The following APOO variants were observed in gnomAD, a reference collection of about 807,000 sequenced individuals.
APOO encodes the protein apolipoprotein O.
Under a neutral mutation model 23.1 loss-of-function variants are expected in APOO, and 11 were observed. That is an observed-to-expected ratio of 0.48 (90% CI 0.30 to 0.79). The LOEUF is 0.79. APOO is among the 30% of genes least tolerant of loss of function. The pLI is 0.07. For missense variants in APOO, 160 were observed against 142.7 expected, an observed-to-expected ratio of 1.12 and a Z score of -0.62; for synonymous variants, 59 against 54.8, an observed-to-expected ratio of 1.08 and a Z score of -0.34.
At chrX:23,836,703 T>C in intron 8 of APOO, 1 of 440,854 alleles carries the variant, frequency 2.3e-6, no homozygotes, top group Non-Finnish European at 3.9e-6. Flanking sequence ...TTAAGTGTCA[T>C]CTGGCATCTT....
intron 7 of APOO, among the ~76,000 whole-genome samples, chrX:23,852,297 T>G (rs960424694): frequency 2.7e-5 from 3 of 110,250 alleles, no homozygotes; most frequent in African/African-American, 9.9e-5. Flanking sequence ...ATCTGTTACA[T>G]GATTAGAATA....
Position 23,841,706 on chromosome X carries a change from C to G in APOO, c.562-1329G>C, listed in dbSNP as rs766062685. On this transcript the variant is annotated intron_variant, in intron 7 of 8. Coordinates refer to ENST00000379226, the MANE Select transcript of APOO (RefSeq NM_024122.5). ...CTCCTCCTCCAGAGCCACTCCCCAC[C>G]CTGCCTCCTCACATGCATGCACACA... is the stretch of plus-strand genomic sequence containing the variant. Among the ~76,000 whole-genome samples the G allele has an allele frequency of 2.7e-5, 3 of 109,099 alleles. No homozygotes were observed. The East Asian group carries it at 8.7e-4, about 32-fold the overall frequency. The allele number at this position is 109,099 out of a possible 115,157, so 94.7% of individuals were successfully genotyped here.
intron 7 of APOO, among the ~76,000 whole-genome samples, chrX:23,853,913 G>A (rs946341760): frequency 9.0e-6 from 1 of 111,188 alleles, no homozygotes; most frequent in African/African-American, 3.3e-5. Context: ...GGGATTTCAG[G>A]CATGAGCCAC....
intron 7 of APOO, among the ~76,000 whole-genome samples, chrX:23,849,184 C>A (rs1031732014): frequency 3.7e-5 from 4 of 109,269 alleles, no homozygotes; most frequent in African/African-American, 1.3e-4. Flanking sequence ...GTGATCTACC[C>A]TCCTCGGCCT....
chrX:23,858,524 T>TACAA, intron 6 of APOO, 118 bp downstream of exon 6: 1 of 648,788 alleles, frequency 1.5e-6, no homozygotes, highest in Non-Finnish European at 2.3e-6. Context: ...CATCTATATG[T>TACAA]ACAAACAAAT....
intron 7 of APOO, among the ~76,000 whole-genome samples, chrX:23,845,130 G>A (rs1924172828): frequency 8.9e-6 from 1 of 111,821 alleles, no homozygotes; most frequent in Non-Finnish European, 1.9e-5. Context: ...CCTGCCCACT[G>A]ATACCAAGAG....
Position 23,878,816 on chromosome X carries a change from C to T in APOO, c.237+99G>A. 2.8e-6 allele frequency: 3 copies of T among 1,075,824 alleles called. No homozygotes were observed. The South Asian group carries it at 6.9e-5, about 25-fold the overall frequency. 88.7% of individuals were successfully genotyped at this position (1,075,824 alleles called of 1,213,427 possible). A position where few individuals can be genotyped will look rare whatever the true frequency, so the allele number is the denominator to read the frequency against. On this transcript the variant is annotated intron_variant, in intron 3 of 8. Coordinates refer to ENST00000379226, the MANE Select transcript of APOO (RefSeq NM_024122.5). ...AGCCTCTGTCAACCATCTCAGGGCC[C>T]TTTATCATGCCTTTTTCCAAAAACA...
At chrX:23,887,349 T>C (rs1926418524) in intron 1 of APOO, among the ~76,000 whole-genome samples, 1 of 99,948 alleles carries the variant, frequency 1.0e-5, no homozygotes, top group Admixed American at 1.2e-4. Context: ...TTCTCCTGCC[T>C]CAGCCTCCCA....
intron 8 of APOO, among the ~76,000 whole-genome samples, chrX:23,838,687 G>A (rs772587742): frequency 9.1e-6 from 1 of 110,440 alleles, no homozygotes; most frequent in African/African-American, 3.3e-5. Context: ...CAAAGTGCTG[G>A]GATTACAGGC....
At chrX:23,848,586 T>C (rs1434377971) in intron 7 of APOO, among the ~76,000 whole-genome samples, 1 of 111,968 alleles carries the variant, frequency 8.9e-6, no homozygotes. Flanking sequence ...ATATAAACTA[T>C]AACTGGGTAA....
intron 6 of APOO, 133 bp from the exon 7 acceptor site, chrX:23,856,515 GC>G (rs752431833): frequency 2.3e-6 from 1 of 433,219 alleles, no homozygotes; most frequent in Admixed American, 4.8e-5. Context: ...ATGCATAATA[GC>G]AAAACATGGA....
At chrX:23,876,285 T>A (rs1023820962) in intron 3 of APOO, among the ~76,000 whole-genome samples, 11 of 105,666 alleles carry the variant, frequency 1.0e-4, no homozygotes, top group South Asian at 4.2e-4. Flanking sequence ...AAAATAAAAA[T>A]AAAAATAAAA....
chrX:23,871,024 G>T (rs1178503787), intron 4 of APOO, among the ~76,000 whole-genome samples: 1 of 108,619 alleles, frequency 9.2e-6, no homozygotes, highest in African/African-American at 3.3e-5. Flanking sequence ...GGGAGGCAGA[G>T]GTTGCAGTGA....
At position 23,878,776 on chromosome X, in the gene APOO, C is replaced by T. The variant is rs373168716; in HGVS notation, c.237+139G>A. The T allele has an allele frequency of 1.5e-5, 12 of 793,735 alleles. No individual in the cohort carries two copies. In the African/African-American group the frequency reaches 2.3e-4, roughly 15 times the overall value. The allele number at this position is 793,735 out of a possible 1,213,427, so 65.4% of individuals were successfully genotyped here. The stretch of plus-strand genomic sequence containing the variant: ...GCCATCCCCACCTTTCCCCCAGACC[C>T]CCACTACCCTTCCCAGCCTCTGTCA... On this transcript the variant is annotated intron_variant, in intron 3 of 8. Coordinates refer to ENST00000379226, the MANE Select transcript of APOO (RefSeq NM_024122.5).
At chrX:23,854,764 C>T (rs111589587) in intron 7 of APOO, among the ~76,000 whole-genome samples, 13 of 110,580 alleles carry the variant, frequency 1.2e-4, no homozygotes, top group African/African-American at 4.3e-4. Flanking sequence ...CTCAGGTGCT[C>T]CACCCGCCTC....
Position 23,907,881 on chromosome X carries a change from TAGA to T in APOO, c.-182_-180del. ...AAGGTTTAGTTCAATCACCCGGTTC[TAGA>T]AGCCGCGTCGCTGAGCCGCAGCGCG... On this transcript the variant is annotated 5_prime_UTR_variant, in exon 1 of 9. Coordinates refer to ENST00000379226, the MANE Select transcript of APOO (RefSeq NM_024122.5). The T allele has an allele frequency of 2.1e-6, 1 of 485,755 alleles. No individual in the cohort carries two copies. 40.0% of individuals were successfully genotyped at this position (485,755 alleles called of 1,213,427 possible). A position where few individuals can be genotyped will look rare whatever the true frequency, so the allele number is the denominator to read the frequency against.
At chrX:23,905,514 C>T (rs548051591) in intron 1 of APOO, among the ~76,000 whole-genome samples, 310 of 111,273 alleles carry the variant, frequency 2.8e-3, no homozygotes, top group Non-Finnish European at 5.1e-3. Context: ...ATGTTCCCCA[C>T]CCCTTTTACC....
At chrX:23,843,443 C>T (rs187201375) in intron 7 of APOO, among the ~76,000 whole-genome samples, 185 of 103,382 alleles carry the variant, frequency 1.8e-3, no homozygotes, top group African/African-American at 7.2e-3. Flanking sequence ...CGTGATTTAG[C>T]ACAAGCCAGA....
chrX:23,876,273 A>AAAACAT (rs1174767028), intron 3 of APOO, among the ~76,000 whole-genome samples: 3 of 103,882 alleles, frequency 2.9e-5, no homozygotes, highest in Non-Finnish European at 5.9e-5. Flanking sequence ...AAAAAAATAA[A>AAAACAT]AAAAATAAAA....
Sources: gnomAD v4.1 joint callset for allele counts (sites outside exome capture counted in the v4.1 genomes callset) on GRCh38, gnomAD v4.1.1 for gene constraint, MANE v1.5 for transcripts, NCBI Gene and HGNC (gene_info 2026-07-23, HGNC 2026-07-21) for gene names.